The following KHDRBS3 variants were observed in gnomAD, a reference collection of about 807,000 sequenced individuals.
The protein encoded by KHDRBS3 is KH domain-containing, RNA-binding, signal transduction-associated protein 3.
KHDRBS3 carries 23 observed loss-of-function variants against 45.6 expected under a neutral mutation model. The ratio of observed to expected loss-of-function variants is 0.50; its 90% confidence interval spans 0.36 to 0.72. KHDRBS3 has a LOEUF of 0.72. Ranked by LOEUF, KHDRBS3 falls within the 30% of genes least tolerant of loss-of-function variation. The pLI is 0.00. For synonymous variants in KHDRBS3, 162 were observed against 156.5 expected (o/e 1.04, Z -0.26); for missense variants, 352 against 424.8 (o/e 0.83, Z 1.51).
In KHDRBS3 at chr8:135,510,420, C is replaced by G. The variant is rs548577678; in HGVS notation, c.89-10817C>G. Reference sequence around the variant, plus strand: ...ATTTGATTAGTTAAAGTGGAAAGTCCCTAGTTAGAGGATAGTTGATGGTGC... The same window carrying G: ...ATTTGATTAGTTAAAGTGGAAAGTCGCTAGTTAGAGGATAGTTGATGGTGC... On this transcript the variant is annotated intron_variant, in intron 1 of 8. Transcript: ENST00000355849. Among the ~76,000 whole-genome samples, 151 of 152,118 alleles carry G rather than the reference C, an allele frequency of 9.9e-4. 1 individual carries two copies. The highest frequency in any genetic ancestry group is 3.4e-3 in the African/African-American group (142 of 41,520).
chr8:135,471,148 C>T (rs1227126421), intron 1 of KHDRBS3, among the ~76,000 whole-genome samples: 1 of 152,142 alleles, frequency 6.6e-6, no homozygotes, highest in Non-Finnish European at 1.5e-5. Flanking sequence ...GAAGAATGTG[C>T]GTGAATTCTT....
At chr8:135,478,507 C>G (rs1403791872) in intron 1 of KHDRBS3, among the ~76,000 whole-genome samples, 2 of 152,180 alleles carry the variant, frequency 1.3e-5, no homozygotes, top group Non-Finnish European at 2.9e-5. Context: ...AATCTGCCCC[C>G]TGGTAACCAC....
chr8:135,551,250 T>A (rs1418412579), intron 4 of KHDRBS3, among the ~76,000 whole-genome samples: 1 of 151,986 alleles, frequency 6.6e-6, no homozygotes, highest in Non-Finnish European at 1.5e-5. Context: ...TTTAATGTAA[T>A]GTTGTTATTC....
chr8:135,654,790 G>A (rs573643407), intron 4 of KHDRBS3, among the ~76,000 whole-genome samples: 20 of 152,348 alleles, frequency 1.3e-4, no homozygotes, highest in Non-Finnish European at 2.6e-4. Context: ...AGGAGAGGCC[G>A]ACAGGCTCTC....
At chr8:135,458,192 TGAAG>T in intron 1 of KHDRBS3, 1 of 1,289,398 alleles carries the variant, frequency 7.8e-7, no homozygotes, top group Non-Finnish European at 9.8e-7. Flanking sequence ...GGGTGAGACT[TGAAG>T]GAAATCTTTG....
intron 1 of KHDRBS3, among the ~76,000 whole-genome samples, chr8:135,467,968 T>C (rs990276855): frequency 2.0e-5 from 3 of 152,226 alleles, no homozygotes; most frequent in African/African-American, 7.2e-5. Context: ...TCCATCTACA[T>C]TTATTGGTTG....
chr8:135,539,552 T>C (rs1171649388), intron 2 of KHDRBS3: 1 of 152,230 alleles, frequency 6.6e-6, no homozygotes, highest in African/African-American at 2.4e-5. Context: ...AATTCATCTA[T>C]TTATTACTTA....
At chr8:135,568,563 A>G (rs1401501965) in intron 5 of KHDRBS3, among the ~76,000 whole-genome samples, 1 of 152,224 alleles carries the variant, frequency 6.6e-6, no homozygotes, top group East Asian at 1.9e-4. Flanking sequence ...CAGGGAGTTA[A>G]GAGTGTTTAT....
intron 8 of KHDRBS3, among the ~76,000 whole-genome samples, chr8:135,645,970 A>G (rs1831266616): frequency 6.8e-6 from 1 of 147,528 alleles, no homozygotes; most frequent in South Asian, 2.1e-4. Flanking sequence ...ACCTGCCTGA[A>G]GCTGTGATGG....
intron 6 of KHDRBS3, among the ~76,000 whole-genome samples, chr8:135,597,748 A>G (rs1025852499): frequency 1.3e-5 from 2 of 152,224 alleles, no homozygotes; most frequent in African/African-American, 2.4e-5. Context: ...AAAGATGTCC[A>G]TAAAAATCTG....
chr8:135,457,835 A>C lies in KHDRBS3; in HGVS notation c.-32A>C. The C allele has an allele frequency of 6.8e-7, 1 of 1,479,534 alleles. No homozygotes were observed. The highest frequency in any genetic ancestry group is 1.5e-5 in the African/African-American group (1 of 68,250). 91.7% of individuals were successfully genotyped at this position (1,479,534 alleles called of 1,614,324 possible). ...CGGGCGCCGCCCCCCGTGCGCCTGG[A>C]GTCCACATCCCGGGCCCGGCGGCCG... On this transcript the variant is annotated 5_prime_UTR_variant, in exon 1 of 9. Coordinates refer to ENST00000355849, the MANE Select transcript of KHDRBS3 (RefSeq NM_006558.3). The surrounding 1 kb of genome is among the most constrained non-coding windows in gnomAD (Gnocchi z 4.4).
intron 2 of KHDRBS3, among the ~76,000 whole-genome samples, chr8:135,538,070 A>G (rs1363490496): frequency 1.3e-5 from 2 of 152,160 alleles, no homozygotes; most frequent in Admixed American, 6.5e-5. Flanking sequence ...TCAGGCAGAA[A>G]AAGGCTTTCC....
At chr8:135,476,251 C>T (rs563958294) in intron 1 of KHDRBS3, among the ~76,000 whole-genome samples, 1 of 152,196 alleles carries the variant, frequency 6.6e-6, no homozygotes, top group Non-Finnish European at 1.5e-5. Context: ...TCAAGCGATT[C>T]TCCTGCCTGA....
chr8:135,468,982 G>C (rs560497432), intron 1 of KHDRBS3, among the ~76,000 whole-genome samples: 18 of 152,328 alleles, frequency 1.2e-4, no homozygotes, highest in Admixed American at 3.3e-4. Flanking sequence ...TGATGAAATA[G>C]TTACCTTTCC....
intron 1 of KHDRBS3, among the ~76,000 whole-genome samples, chr8:135,488,686 A>C (rs565262956): frequency 6.6e-6 from 1 of 152,242 alleles, no homozygotes; most frequent in Non-Finnish European, 1.5e-5. Context: ...TATAGACTTC[A>C]TATTTGATCA....
intron 6 of KHDRBS3, among the ~76,000 whole-genome samples, chr8:135,597,277 C>T (rs1345143070): frequency 6.6e-6 from 1 of 152,260 alleles, no homozygotes; most frequent in East Asian, 1.9e-4. Flanking sequence ...AACCAGTTCA[C>T]GAGAGCCTGC....
intron 1 of KHDRBS3, among the ~76,000 whole-genome samples, chr8:135,466,587 C>G (rs1204128508): frequency 2.0e-5 from 3 of 152,022 alleles, no homozygotes; most frequent in Non-Finnish European, 2.9e-5. Flanking sequence ...AATCAAATTC[C>G]CAAATCTGAT....
intron 4 of KHDRBS3, among the ~76,000 whole-genome samples, chr8:135,655,252 C>T (rs181144240): frequency 2.6e-5 from 4 of 152,252 alleles, no homozygotes; most frequent in African/African-American, 9.6e-5. Flanking sequence ...ATGCAGGTGA[C>T]ACTGAGACGC....
chr8:135,541,683 C>T (rs551486227), intron 2 of KHDRBS3: 1 of 152,210 alleles, frequency 6.6e-6, no homozygotes, highest in South Asian at 2.1e-4. Context: ...AGCATCTTGC[C>T]AAGGCGAACA....
Sources: gnomAD v4.1 joint callset for allele counts (sites outside exome capture counted in the v4.1 genomes callset) on GRCh38, gnomAD v4.1.1 for gene constraint, Gnocchi (gnomAD v3.1) non-coding constraint, MANE v1.5 for transcripts, NCBI Gene and HGNC (gene_info 2026-07-23, HGNC 2026-07-21) for gene names.